ETV5: variants seen among roughly 807,000 people sequenced by gnomAD.
ETV5 encodes ETS variant transcription factor 5, also known as ETS translocation variant 5.
A neutral mutation model predicts 70.0 loss-of-function variants in ETV5; 10 were observed. The ratio of observed to expected loss-of-function variants is 0.14; its 90% confidence interval spans 0.09 to 0.24. The LOEUF (loss-of-function observed/expected upper bound fraction) is 0.24, where lower values mean the gene tolerates loss of function less well. Ranked by LOEUF, ETV5 falls within the 10% of genes least tolerant of loss-of-function variation. ETV5 has a pLI of 1.00. For missense variants in ETV5, 453 were observed against 651.2 expected (o/e 0.70, Z 3.31); for synonymous variants, 216 against 242.2 (o/e 0.89, Z 1.01).
chr3:186,057,187 C>A lies in ETV5; in HGVS notation c.1097G>T (p.Gly366Val), dbSNP rs1311407487. Residue 366 changes from glycine to valine, a missense_variant, in exon 11 of 13, where the codon GGT (glycine) becomes GTT (valine). By Grantham distance (109) the Gly-to-Val change is moderately radical. Coordinates refer to ENST00000306376, the MANE Select transcript of ETV5 (RefSeq NM_004454.3). This position sits in a 1 kb window ranked among gnomAD's most constrained non-coding sequence, Gnocchi z 4.9. ...CAGGAACTGCCACAGCTGAAGGGAA[C>A]CTCGCCTCTGGTAAGGGGGCCCCTC... ...YREGPPYQRR[G>V]SLQLWQFLVT... is the part of the protein sequence containing the mutation. 1 of 1,614,058 alleles carries A rather than the reference C, an allele frequency of 6.2e-7. No individual in the cohort carries two copies. The highest frequency in any genetic ancestry group is 8.5e-7 in the Non-Finnish European group (1 of 1,180,034).
chr3:186,090,329 CT>C (rs1461366165), intron 5 of ETV5, among the ~76,000 whole-genome samples: 1 of 152,172 alleles, frequency 6.6e-6, no homozygotes, highest in Non-Finnish European at 1.5e-5. Flanking sequence ...CTTTGGCCCA[CT>C]TAGAAAGGAC....
intron 5 of ETV5, among the ~76,000 whole-genome samples, chr3:186,094,895 C>T (rs1489793454): frequency 6.6e-6 from 1 of 152,174 alleles, no homozygotes; most frequent in Non-Finnish European, 1.5e-5. Flanking sequence ...CTTCTGACTT[C>T]TAATGCACCG....
rs372116582 is a variant in ETV5, at chr3:186,057,029, A to G, written c.1209+46T>C. On this transcript the variant is annotated intron_variant, in intron 11 of 12. Transcript: ENST00000306376. This position sits in a 1 kb window ranked among gnomAD's most constrained non-coding sequence, Gnocchi z 4.9. ...GAAATCTAAACAAAAAACATCATCA[A>G]CAACAACAAATCAAAACCCGTCTGA... 1.3e-5 allele frequency: 20 copies of G among 1,587,138 alleles called. No homozygotes were observed. The South Asian group carries it at 1.7e-4, about 13-fold the overall frequency.
At chr3:186,071,672 T>C (rs1713640522) in intron 7 of ETV5, among the ~76,000 whole-genome samples, 1 of 152,164 alleles carries the variant, frequency 6.6e-6, no homozygotes, top group South Asian at 2.1e-4. Flanking sequence ...TATGCAAATA[T>C]GGCCAGGCAT....
rs764055183 is a variant in ETV5 at position 186,065,888 on chromosome 3, G to C, written c.835C>G (p.Pro279Ala). Residue 279 changes from proline to alanine, a missense_variant, in exon 8 of 13, where the codon CCA becomes GCA. By Grantham distance (27) the Pro-to-Ala change is conservative. Around this residue, in one of 4 missense-constraint regions of ETV5, gnomAD observed 307 missense variants for 344.9 expected, o/e 0.89. Transcript: ENST00000306376. ...PLYEHGVPGM[P>A]GPPAHGFQSP... ...TGGAACCCGTGTGCTGGGGGCCCTG[G>C]CATGCCCGGGACCCCATGTTCATAG... The C allele has an allele frequency of 3.7e-6, 6 of 1,613,882 alleles. No individual in the cohort carries two copies. In the East Asian group the frequency reaches 1.1e-4, roughly 30 times the overall value.
chr3:186,066,156 A>G (rs1713437776), intron 7 of ETV5, 84 bp from the exon 8 acceptor site: 3 of 1,250,958 alleles, frequency 2.4e-6, no homozygotes, highest in Non-Finnish European at 3.2e-6. Flanking sequence ...AGAAGTTCCA[A>G]TTAATGAAAT....
intron 1 of ETV5, among the ~76,000 whole-genome samples, chr3:186,108,223 T>C (rs1714643039): frequency 7.0e-6 from 1 of 143,424 alleles, no homozygotes; most frequent in Admixed American, 7.3e-5. Context: ...GGAACCCTAA[T>C]CCGCTGCGAG....
intron 6 of ETV5, 93 bp from the exon 7 acceptor site, chr3:186,080,197 G>A (rs909228522): frequency 1.6e-5 from 17 of 1,075,906 alleles, no homozygotes; most frequent in South Asian, 4.2e-5. Flanking sequence ...GCAGCCCATT[G>A]TTGCCAGGAA....
chr3:186,079,047 G>A (rs2150148963), intron 7 of ETV5: 2 of 1,064,864 alleles, frequency 1.9e-6, no homozygotes, highest in Non-Finnish European at 2.3e-6. Flanking sequence ...CCACCATCTT[G>A]CATCCTTTGG....
At chr3:186,070,760 T>G (rs1049913839) in intron 7 of ETV5, among the ~76,000 whole-genome samples, 13 of 152,222 alleles carry the variant, frequency 8.5e-5, no homozygotes, top group Admixed American at 7.2e-4. Context: ...TTGAAGTATC[T>G]AAGAATGTGT....
chr3:186,079,958 T>A lies in ETV5; in HGVS notation c.509A>T (p.Gln170Leu). 1 of 1,600,282 alleles carries A rather than the reference T, an allele frequency of 6.2e-7. No individual in the cohort carries two copies. The highest frequency in any genetic ancestry group is 8.5e-7 in the Non-Finnish European group (1 of 1,174,830). Residue 170 changes from glutamine (Q) to leucine (L), a missense_variant, in exon 7 of 13, where the codon CAA (glutamine) becomes CTA (leucine). Coordinates refer to ENST00000306376, the MANE Select transcript of ETV5 (RefSeq NM_004454.3). ...GGGGGCGGGGGCGGGGCCCACACCT[T>A]GAACTGGGCCAGCTGCAGGGGCATG... is the stretch of plus-strand genomic sequence containing the variant. Reference protein sequence around the residue: ...SGHAPAAGPVQGVGPAPAPHS... With the variant: ...SGHAPAAGPVLGVGPAPAPHS...
chr3:186,100,009 A>G (rs1714411942), intron 5 of ETV5, among the ~76,000 whole-genome samples: 1 of 152,208 alleles, frequency 6.6e-6, no homozygotes. Flanking sequence ...TGTAAAACAG[A>G]TGGCTCCTTT....
intron 8 of ETV5, among the ~76,000 whole-genome samples, chr3:186,065,363 T>C (rs1713415347): frequency 6.6e-6 from 1 of 152,244 alleles, no homozygotes; most frequent in African/African-American, 2.4e-5. Flanking sequence ...TGGAAATGTT[T>C]ACACACGATC....
chr3:186,094,558 G>A (rs899099327), intron 5 of ETV5, among the ~76,000 whole-genome samples: 1 of 152,034 alleles, frequency 6.6e-6, no homozygotes, highest in Admixed American at 6.6e-5. Context: ...TTTCTTCAAA[G>A]GACTCATTTA....
chr3:186,095,027 A>G (rs1714271034), intron 5 of ETV5: 1 of 152,248 alleles, frequency 6.6e-6, no homozygotes, highest in South Asian at 2.1e-4. Context: ...ATTACACCAA[A>G]GGAGGATTCT....
chr3:186,100,502 C>A (rs927836199), intron 5 of ETV5, among the ~76,000 whole-genome samples: 1 of 152,152 alleles, frequency 6.6e-6, no homozygotes, highest in African/African-American at 2.4e-5. Flanking sequence ...ATAAAGAAAT[C>A]CAGCTGAATA....
intron 7 of ETV5, among the ~76,000 whole-genome samples, chr3:186,072,382 A>G (rs1713664252): frequency 6.6e-6 from 1 of 151,710 alleles, no homozygotes; most frequent in Admixed American, 6.6e-5. Flanking sequence ...AAAAAAAAAA[A>G]GAAAAAAAAG....
At chr3:186,053,738 G>A (rs187389568) in intron 11 of ETV5, among the ~76,000 whole-genome samples, 30 of 152,242 alleles carry the variant, frequency 2.0e-4, no homozygotes, top group Middle Eastern at 3.4e-3. Flanking sequence ...CTTTGAAACA[G>A]CCCAAAAGGC....
intron 5 of ETV5, 23 bp from the exon 6 acceptor site, chr3:186,081,198 AG>A: frequency 6.2e-7 from 1 of 1,602,160 alleles, no homozygotes; most frequent in Non-Finnish European, 8.5e-7. Flanking sequence ...GAGGGATGAG[AG>A]GGGAATAGAG....
Sources: gnomAD v4.1 joint callset for allele counts (sites outside exome capture counted in the v4.1 genomes callset) on GRCh38, gnomAD v4.1.1 for gene constraint, gnomAD v4.1.1 regional missense constraint, Gnocchi (gnomAD v3.1) non-coding constraint, MANE v1.5 for transcripts, NCBI Gene and HGNC (gene_info 2026-07-23, HGNC 2026-07-21) for gene names.